Variants in ZNF892 observed in about 807,000 individuals in gnomAD.
ZNF892 encodes the protein zinc finger protein 892, also known as zinc finger protein 570-like.
the ZNF892 span, among the ~76,000 whole-genome samples, chr2:95,210,239 G>A: frequency 6.7e-6 from 1 of 148,704 alleles, no homozygotes; most frequent in Non-Finnish European, 1.5e-5. Context: ...GTGTATATAT[G>A]TATATATATA....
At chr2:95,256,085 T>C in the ZNF892 span, among the ~76,000 whole-genome samples, 1 of 152,194 alleles carries the variant, frequency 6.6e-6, no homozygotes, top group Admixed American at 6.5e-5. Context: ...AAGGTTAATA[T>C]TGTTATGTGT....
chr2:95,212,831 A>G, the ZNF892 span, among the ~76,000 whole-genome samples: 1 of 152,240 alleles, frequency 6.6e-6, no homozygotes. Context: ...GGGGATAATG[A>G]TAGCACAGAG....
the ZNF892 span, among the ~76,000 whole-genome samples, chr2:95,251,994 A>C: frequency 1.3e-5 from 2 of 152,258 alleles, no homozygotes; most frequent in African/African-American, 4.8e-5. Flanking sequence ...GGAAGGGACA[A>C]GGAAAAACCT....
At chr2:95,239,408 T>G in the ZNF892 span, among the ~76,000 whole-genome samples, 1 of 152,192 alleles carries the variant, frequency 6.6e-6, no homozygotes, top group East Asian at 1.9e-4. Flanking sequence ...GAAGTTCTAC[T>G]GTGAGTAAAA....
At chr2:95,262,678 G>A in the ZNF892 span, among the ~76,000 whole-genome samples, 1 of 152,208 alleles carries the variant, frequency 6.6e-6, no homozygotes. Flanking sequence ...AGGAGCAGGG[G>A]TTGTTGACAT....
the ZNF892 span, among the ~76,000 whole-genome samples, chr2:95,258,642 G>A: frequency 6.6e-6 from 1 of 152,168 alleles, no homozygotes; most frequent in East Asian, 1.9e-4. Context: ...AACCTTTGAA[G>A]AGGAATTCAC....
At chr2:95,249,516 A>G in the ZNF892 span, among the ~76,000 whole-genome samples, 7 of 151,290 alleles carry the variant, frequency 4.6e-5, no homozygotes, top group East Asian at 3.9e-4. Context: ...CAAAGTGCTG[A>G]GATTACAGGC....
the ZNF892 span, among the ~76,000 whole-genome samples, chr2:95,240,836 G>C: frequency 6.6e-6 from 1 of 152,336 alleles, no homozygotes; most frequent in East Asian, 1.9e-4. Context: ...TGTCCAAATG[G>C]TGCGGAAGAG....
the ZNF892 span, among the ~76,000 whole-genome samples, chr2:95,244,337 AT>A: frequency 6.7e-6 from 1 of 148,974 alleles, no homozygotes; most frequent in Non-Finnish European, 1.5e-5. Flanking sequence ...AGAATGATCA[AT>A]TAAAAAAAAA....
At chr2:95,252,362 T>G in the ZNF892 span, among the ~76,000 whole-genome samples, 1 of 152,192 alleles carries the variant, frequency 6.6e-6, no homozygotes, top group South Asian at 2.1e-4. Flanking sequence ...TGTGAGAGTT[T>G]GCTGAGAATG....
chr2:95,211,760 G>A, the ZNF892 span: 2 of 398,442 alleles, frequency 5.0e-6, no homozygotes, highest in Non-Finnish European at 8.9e-6. Flanking sequence ...TTTACCCAGT[G>A]TGGTACCTTG....
At chr2:95,235,126 A>G in the ZNF892 span, among the ~76,000 whole-genome samples, 1 of 152,144 alleles carries the variant, frequency 6.6e-6, no homozygotes, top group African/African-American at 2.4e-5. Context: ...TGTGTTGGTT[A>G]TTGCTGAGGG....
chr2:95,255,737 G>A, the ZNF892 span, among the ~76,000 whole-genome samples: 1 of 152,132 alleles, frequency 6.6e-6, no homozygotes. Flanking sequence ...GGTCTCTAAG[G>A]ACTTGCTTTA....
the ZNF892 span, chr2:95,208,835 A>G: frequency 1.0e-5 from 4 of 396,856 alleles, no homozygotes; most frequent in African/African-American, 2.1e-5. Flanking sequence ...TGCTTAGACC[A>G]CTGGGTTCAT....
At chr2:95,214,874 T>C in the ZNF892 span, 1 of 503,732 alleles carries the variant, frequency 2.0e-6, no homozygotes, top group Non-Finnish European at 3.6e-6. Context: ...ATGAATGTCA[T>C]GAGTGTGGGA....
chr2:95,243,314 G>A, the ZNF892 span, among the ~76,000 whole-genome samples: 8 of 149,188 alleles, frequency 5.4e-5, no homozygotes, highest in South Asian at 2.1e-4. Context: ...GCTGCCCATC[G>A]TCTGGGATGT....
At chr2:95,225,386 G>A in the ZNF892 span, among the ~76,000 whole-genome samples, 1 of 152,100 alleles carries the variant, frequency 6.6e-6, no homozygotes, top group East Asian at 1.9e-4. Flanking sequence ...GAGATCAAGG[G>A]GCTAGCATCT....
At chr2:95,217,384 T>C in the ZNF892 span, among the ~76,000 whole-genome samples, 2 of 152,334 alleles carry the variant, frequency 1.3e-5, no homozygotes, top group Non-Finnish European at 2.9e-5. Flanking sequence ...TGTCCTTCTG[T>C]GCAGAATACG....
At chr2:95,254,835 T>C in the ZNF892 span, among the ~76,000 whole-genome samples, 4 of 152,236 alleles carry the variant, frequency 2.6e-5, no homozygotes, top group Non-Finnish European at 4.4e-5. Flanking sequence ...GAAGAATGTA[T>C]CCATTTCTTC....
Sources: gnomAD v4.1 joint callset for allele counts (sites outside exome capture counted in the v4.1 genomes callset) on GRCh38, gnomAD v4.1.1 for gene constraint, MANE v1.5 for transcripts, NCBI Gene and HGNC (gene_info 2026-07-23, HGNC 2026-07-21) for gene names.